PDZD4: variants seen among roughly 807,000 people sequenced by gnomAD.
PDZD4 encodes the protein PDZ domain-containing protein 4.
In PDZD4, 9 loss-of-function variants were observed where a neutral mutation model predicts 38.5. The ratio of observed to expected loss-of-function variants is 0.23; its 90% CI spans 0.14 to 0.41. The LOEUF is 0.41. PDZD4 is among the 10% of genes least tolerant of loss of function. The pLI, the probability that PDZD4 is intolerant of heterozygous loss-of-function variation, is 1.00. For missense variants in PDZD4, 612 were observed against 722.0 expected (o/e 0.85, Z 1.75); for synonymous variants, 349 against 315.7 (o/e 1.11, Z -1.12).
chrX:153,804,543 C>A lies in PDZD4; in HGVS notation c.1138G>T (p.Gly380Cys). Residue 380 changes from glycine to cysteine, a missense_variant, in exon 8 of 8, where the codon GGC (glycine) becomes TGC (cysteine). By Grantham distance (159) the Gly-to-Cys change is radical (BLOSUM62 -3). Around this residue, in one of 3 missense-constraint regions of PDZD4, gnomAD observed 300 missense variants for 284.6 expected, o/e 1.05. Transcript: ENST00000393758. ...CCGGAGGCCCGGGGAAAGAGGAGGCCCAGCTGGTTGCCGTTCTCCAGGTGG... is the reference window on the plus strand; with the variant it reads ...CCGGAGGCCCGGGGAAAGAGGAGGCACAGCTGGTTGCCGTTCTCCAGGTGG... Reference protein sequence around the residue: ...KCHLENGNQLGLLFPRASGGN... With the variant: ...KCHLENGNQLCLLFPRASGGN... The A allele has an allele frequency of 8.3e-7, 1 of 1,209,784 alleles. No homozygotes were observed. Among genetic ancestry groups the A allele is most frequent in the Non-Finnish European group, 1.1e-6 (1 of 895,345 alleles).
chrX:153,802,815 G>C lies in PDZD4; in HGVS notation c.*538C>G, dbSNP rs1329891604. The C allele has an allele frequency of 1.8e-5, 2 of 112,331 alleles. No individual in the cohort carries two copies. The highest frequency in any genetic ancestry group is 6.5e-5 in the African/African-American group (2 of 30,845). The allele number at this position is 112,331 out of a possible 1,213,427, so 9.3% of individuals were successfully genotyped here. The stretch of plus-strand genomic sequence containing the variant: ...GAAGGAGCTGCCAGCCCCCAGGGCA[G>C]GTCCACAAAACAAAACAACTATTGG... On this transcript the variant is annotated 3_prime_UTR_variant, in exon 8 of 8. Coordinates refer to ENST00000393758, the MANE Select transcript of PDZD4 (RefSeq NM_001303512.2).
chrX:153,820,743 C>T (rs1429643366), intron 1 of PDZD4, among the ~76,000 whole-genome samples: 1 of 111,570 alleles, frequency 9.0e-6, no homozygotes, highest in Non-Finnish European at 1.9e-5. Context: ...TCAGGCTGAG[C>T]GTTTTGACAA....
chrX:153,807,789 C>T, intron 2 of PDZD4: 1 of 932,599 alleles, frequency 1.1e-6, no homozygotes, highest in Non-Finnish European at 1.4e-6. Flanking sequence ...CCCACCCTAC[C>T]TCCAGGGGCT....
chrX:153,820,672 G>A (rs1557081098), intron 1 of PDZD4, among the ~76,000 whole-genome samples: 1 of 112,086 alleles, frequency 8.9e-6, no homozygotes, highest in African/African-American at 3.2e-5. Flanking sequence ...TCTTGGAAGA[G>A]ACCAGTCCTT....
At position 153,830,256 on chromosome X, in the gene PDZD4, A is replaced by G. The variant is rs1483551570; in HGVS notation, c.43T>C (p.Tyr15His). 1 of 1,203,354 alleles carries G rather than the reference A, an allele frequency of 8.3e-7. No individual in the cohort carries two copies. The highest frequency in any genetic ancestry group is 1.8e-5 in the African/African-American group (1 of 56,718). ...MCVVQKPEEQYKVMLQVNGKE... is the reference protein window; with the variant it reads ...MCVVQKPEEQHKVMLQVNGKE... ...GGCCCTACCTGCAGCATCACTTTGT[A>G]CTGCTCCTCCGGTTTCTGGACCACG... is the stretch of plus-strand genomic sequence containing the variant. The change falls in exon 1 of 8, where the codon TAC (tyrosine) becomes CAC (histidine). Residue 15 changes from tyrosine (Y) to histidine (H), a missense_variant. Coordinates refer to ENST00000393758, the MANE Select transcript of PDZD4 (RefSeq NM_001303512.2).
At chrX:153,820,271 C>T in intron 1 of PDZD4, among the ~76,000 whole-genome samples, 1 of 94,753 alleles carries the variant, frequency 1.1e-5, no homozygotes, top group East Asian at 3.5e-4. Flanking sequence ...CACTTGAACC[C>T]GGGTGGCGGA....
rs181921006 is a variant in PDZD4, at chrX:153,812,227, A to G, written c.61-3632T>C. Among the ~76,000 whole-genome samples the G allele has an allele frequency of 3.0e-3, 319 of 106,467 alleles. 3 individuals are homozygous for G. Among genetic ancestry groups the G allele is most frequent in the African/African-American group, 0.01 (298 of 29,039 alleles). The allele number at this position is 106,467 out of a possible 115,157, so 92.5% of individuals were successfully genotyped here. A position where few individuals can be genotyped will look rare whatever the true frequency, so the allele number is the denominator to read the frequency against. Reference sequence around the variant, plus strand: ...GGGAAATCGGCAAATGCTCCAAATCAGGGCTTTTTGTCTGGGAACATTTAC... The same window carrying G: ...GGGAAATCGGCAAATGCTCCAAATCGGGGCTTTTTGTCTGGGAACATTTAC... On this transcript the variant is annotated intron_variant, in intron 1 of 7. Transcript: ENST00000393758.
At chrX:153,823,270 G>A (rs145454603) in intron 1 of PDZD4, among the ~76,000 whole-genome samples, 3,583 of 106,892 alleles carry the variant, frequency 0.034, 174 homozygotes, top group African/African-American at 0.12. Context: ...CCAAGCTGGA[G>A]TGCAATGGCG....
chrX:153,804,864 C>G lies in PDZD4; in HGVS notation c.817G>C (p.Gly273Arg). ...TCCTGGCTGTTGCTCAGGCCTGGGC[C>G]GGCATCGGGAGCCCCCTTCTCCTCT... ...NEEEKGAPDAGPGLSNSQELD... is the reference protein window; with the variant it reads ...NEEEKGAPDARPGLSNSQELD... The change falls in exon 8 of 8, where the codon GGC becomes CGC. Residue 273 changes from glycine (G) to arginine (R), a missense_variant. Gly to Arg is a moderately radical substitution (Grantham distance 125, BLOSUM62 -2). Transcript: ENST00000393758. The G allele has an allele frequency of 8.3e-7, 1 of 1,210,143 alleles. No homozygotes were observed.
chrX:153,813,849 C>A (rs2064333424), intron 1 of PDZD4, among the ~76,000 whole-genome samples: 1 of 111,736 alleles, frequency 8.9e-6, no homozygotes, highest in Admixed American at 9.5e-5. Flanking sequence ...AATTACCTCC[C>A]TTTCATTAGA....
intron 1 of PDZD4, among the ~76,000 whole-genome samples, chrX:153,815,532 G>A (rs2064352399): frequency 8.9e-6 from 1 of 112,964 alleles, no homozygotes; most frequent in Non-Finnish European, 1.9e-5. Context: ...CTTTGATCCA[G>A]TCAATGTGCT....
chrX:153,819,376 G>C (rs782662503), intron 1 of PDZD4, among the ~76,000 whole-genome samples: 3 of 112,978 alleles, frequency 2.7e-5, no homozygotes, highest in Non-Finnish European at 5.6e-5. Context: ...TAAGAAAACA[G>C]TTGTGGCCTG....
intron 1 of PDZD4, among the ~76,000 whole-genome samples, chrX:153,814,822 C>T (rs1373273251): frequency 9.0e-6 from 1 of 111,511 alleles, no homozygotes; most frequent in African/African-American, 3.3e-5. Flanking sequence ...TTCACCTTAG[C>T]GAGGTCACCC....
chrX:153,805,728 G>A, intron 5 of PDZD4, 122 bp from the exon 6 acceptor site: 2 of 560,706 alleles, frequency 3.6e-6, no homozygotes, highest in Non-Finnish European at 6.0e-6. Flanking sequence ...TTGAGCTCTG[G>A]GAGGATGTAA....
Position 153,822,120 on chromosome X carries a change from G to A in PDZD4, c.60+8119C>T, listed in dbSNP as rs1255854103. Among the ~76,000 whole-genome samples, 3 of 105,213 alleles carry A rather than the reference G, an allele frequency of 2.9e-5. No individual in the cohort carries two copies. The East Asian group carries it at 9.0e-4, about 31-fold the overall frequency. The allele number at this position is 105,213 out of a possible 115,157, so 91.4% of individuals were successfully genotyped here. ...CAGAATTGCTTGAACCCAGGAGGCGGAGGCTGCAATGAGCCGAGATCACAA... is the reference window on the plus strand; with the variant it reads ...CAGAATTGCTTGAACCCAGGAGGCGAAGGCTGCAATGAGCCGAGATCACAA... On this transcript the variant is annotated intron_variant, in intron 1 of 7. Coordinates refer to ENST00000393758, the MANE Select transcript of PDZD4 (RefSeq NM_001303512.2).
In PDZD4 at chrX:153,830,312, G is replaced by T; in HGVS notation, c.-14C>A. On this transcript the variant is annotated 5_prime_UTR_variant, in exon 1 of 8. Transcript: ENST00000393758. ...ATTACATCCCATGTTGCTGGCCGGC[G>T]AGAGGAGGCGGAGGGCGGGAACGGG... is the stretch of plus-strand genomic sequence containing the variant. The T allele has an allele frequency of 8.3e-7, 1 of 1,198,624 alleles. No individual in the cohort carries two copies. The highest frequency in any genetic ancestry group is 1.8e-5 in the South Asian group (1 of 55,832).
At chrX:153,809,886 G>T (rs1370039879) in intron 1 of PDZD4, among the ~76,000 whole-genome samples, 2 of 113,053 alleles carry the variant, frequency 1.8e-5, no homozygotes, top group Admixed American at 9.3e-5. Context: ...TGCTGTAGGG[G>T]TGAAGGAAGG....
intron 1 of PDZD4, among the ~76,000 whole-genome samples, chrX:153,824,246 T>C (rs1285109304): frequency 9.0e-6 from 1 of 110,969 alleles, no homozygotes; most frequent in African/African-American, 3.3e-5. Flanking sequence ...GGAAAGGGCA[T>C]TCTACAATCT....
At position 153,803,597 on chromosome X, in the gene PDZD4, CG is replaced by C; in HGVS notation, c.2083del (p.Arg695ValfsTer10). On this transcript the variant is annotated frameshift_variant, in exon 8 of 8. Coordinates refer to ENST00000393758, the MANE Select transcript of PDZD4 (RefSeq NM_001303512.2). LOFTEE classifies it high-confidence loss of function. Reference sequence around the variant, plus strand: ...GAACTCGCGCCGCTTCCGCTGCTCACGGGCCCGGATCAGGTGCTGCTTCCGC... The same window carrying C: ...GAACTCGCGCCGCTTCCGCTGCTCACGGCCCGGATCAGGTGCTGCTTCCGC... ...EERKQHLIRA[R>X]EQRKRREFMM... 1 of 1,210,343 alleles carries C rather than the reference CG, an allele frequency of 8.3e-7. No homozygotes were observed. Among genetic ancestry groups the C allele is most frequent in the Non-Finnish European group, 1.1e-6 (1 of 895,558 alleles).
Sources: allele counts gnomAD v4.1 joint callset (sites outside exome capture counted in the v4.1 genomes callset), GRCh38; gene constraint gnomAD v4.1.1; regional missense constraint gnomAD v4.1.1; transcripts MANE v1.5; gene names NCBI Gene and HGNC (gene_info 2026-07-23, HGNC 2026-07-21).